CNTN2: variants seen among roughly 807,000 people sequenced by gnomAD.
CNTN2 encodes contactin-2.
CNTN2 carries 53 observed loss-of-function variants against 117.5 expected under a neutral mutation model. The ratio of observed to expected loss-of-function variants is 0.45; its 90% CI spans 0.36 to 0.57. CNTN2 has a LOEUF of 0.57. Ranked by LOEUF, CNTN2 falls within the 20% of genes least tolerant of loss-of-function variation. The pLI is 0.00. For missense variants in CNTN2, 1,106 were observed against 1,404.3 expected, an observed-to-expected ratio of 0.79 and a Z score of 3.39; for synonymous variants, 530 against 561.7, an observed-to-expected ratio of 0.94 and a Z score of 0.80.
intron 1 of CNTN2, among the ~76,000 whole-genome samples, chr1:205,050,360 A>C (rs10900438): frequency 0.22 from 33,098 of 151,418 alleles, 4,552 homozygotes; most frequent in East Asian, 0.64. Context: ...CCCCAGGAAG[A>C]ACGGAAGACC....
intron 2 of CNTN2, among the ~76,000 whole-genome samples, chr1:205,054,351 C>T (rs1280377804): frequency 6.6e-6 from 1 of 152,238 alleles, no homozygotes; most frequent in African/African-American, 2.4e-5. Context: ...AGTCCTGCAG[C>T]TCAGTCAGTG....
chr1:205,066,700 T>G, intron 15 of CNTN2, 101 bp downstream of exon 15: 1 of 1,376,632 alleles, frequency 7.3e-7, no homozygotes, highest in South Asian at 1.4e-5. Context: ...GGGCCAGGGC[T>G]GAGCCTGGAG....
intron 18 of CNTN2, 166 bp from the exon 19 acceptor site, chr1:205,070,260 T>C: frequency 1.4e-6 from 1 of 710,992 alleles, no homozygotes; most frequent in Non-Finnish European, 2.3e-6. Context: ...GGAGGCTCTC[T>C]GGGAATAGAA....
At chr1:205,066,190 G>T in intron 14 of CNTN2, 1 of 606,388 alleles carries the variant, frequency 1.6e-6, no homozygotes, top group Non-Finnish European at 2.9e-6. Context: ...AGTGCTGGGA[G>T]ATCTATGCAC....
intron 1 of CNTN2, among the ~76,000 whole-genome samples, chr1:205,045,414 C>T (rs899216915): frequency 1.1e-4 from 17 of 152,160 alleles, no homozygotes; most frequent in South Asian, 2.1e-4. Flanking sequence ...TTGTGCTTAA[C>T]GGGGTGATTG....
Position 205,059,969 on chromosome 1 carries a change from A to G in CNTN2, c.797+287A>G. 1 of 455,054 alleles carries G rather than the reference A, an allele frequency of 2.2e-6. No individual in the cohort carries two copies. Among genetic ancestry groups the G allele is most frequent in the Non-Finnish European group, 4.1e-6 (1 of 246,154 alleles). 28.2% of individuals were successfully genotyped at this position (455,054 alleles called of 1,614,324 possible). A position where few individuals can be genotyped will look rare whatever the true frequency, so the allele number is the denominator to read the frequency against. ...ACCCAGGGCTGGAGGCAGGCAGCACAGTGTACAGACTCCAACCCTGTCTGT... is the reference window on the plus strand; with the variant it reads ...ACCCAGGGCTGGAGGCAGGCAGCACGGTGTACAGACTCCAACCCTGTCTGT... On this transcript the variant is annotated intron_variant, in intron 7 of 22. Coordinates refer to ENST00000331830, the MANE Select transcript of CNTN2 (RefSeq NM_005076.5). This position sits in a 1 kb window ranked among gnomAD's most constrained non-coding sequence, Gnocchi z 5.6.
chr1:205,074,313 T>C lies in CNTN2; in HGVS notation c.*548T>C, dbSNP rs73081212. On this transcript the variant is annotated 3_prime_UTR_variant, in exon 23 of 23. Transcript: ENST00000331830. Reference sequence around the variant, plus strand: ...CCTGACGCTGTCCCCGATAACTCCCTAGGGGCTCCTGCCTGCCCAAGCGGC... The same window carrying C: ...CCTGACGCTGTCCCCGATAACTCCCCAGGGGCTCCTGCCTGCCCAAGCGGC... The C allele has an allele frequency of 0.013, 5,163 of 401,156 alleles. 135 individuals carry two copies. Among genetic ancestry groups the C allele is most frequent in the African/African-American group, 0.069 (3,366 of 48,756 alleles). 24.8% of individuals were successfully genotyped at this position (401,156 alleles called of 1,614,324 possible). A position where few individuals can be genotyped will look rare whatever the true frequency, so the allele number is the denominator to read the frequency against.
chr1:205,064,647 C>G lies in CNTN2; in HGVS notation c.1416C>G (p.Thr472=). ...SSRVTVTPDG[T]LIIRNISRSD... is the part of the protein sequence containing the mutation. ...GAGTGACTGTAACTCCAGATGGCAC[C>G]TTGATCATAAGAAACATCAGCCGGT... The change falls in exon 12 of 23, where the codon ACC becomes ACG. Residue 472 remains threonine (T), a synonymous_variant. Coordinates refer to ENST00000331830, the MANE Select transcript of CNTN2 (RefSeq NM_005076.5). 1 of 1,614,152 alleles carries G rather than the reference C, an allele frequency of 6.2e-7. No individual in the cohort carries two copies. The highest frequency in any genetic ancestry group is 8.5e-7 in the Non-Finnish European group (1 of 1,180,022).
chr1:205,076,800 G>A lies in CNTN2; in HGVS notation c.*3035G>A, dbSNP rs1654885612. 1.3e-5 allele frequency: 2 copies of A among 152,350 alleles called. No individual in the cohort carries two copies. The highest frequency in any genetic ancestry group is 2.9e-5 in the Non-Finnish European group (2 of 68,182). The allele number at this position is 152,350 out of a possible 1,614,324, so 9.4% of individuals were successfully genotyped here. A position where few individuals can be genotyped will look rare whatever the true frequency, so the allele number is the denominator to read the frequency against. ...GGGAAGGCAGCTCTCTCCAGACAGA[G>A]TCTCAGGGCCCAGCAAGGTCAGGTT... On this transcript the variant is annotated 3_prime_UTR_variant, in exon 23 of 23. Coordinates refer to ENST00000331830, the MANE Select transcript of CNTN2 (RefSeq NM_005076.5).
intron 10 of CNTN2, 121 bp downstream of exon 10, chr1:205,062,690 T>G: frequency 6.0e-6 from 7 of 1,170,746 alleles, no homozygotes; most frequent in Non-Finnish European, 6.8e-6. Flanking sequence ...TCCTTGGTTT[T>G]CCAACAGTTT....
intron 1 of CNTN2, among the ~76,000 whole-genome samples, chr1:205,049,075 C>T (rs1377110123): frequency 6.6e-6 from 1 of 152,050 alleles, no homozygotes; most frequent in Non-Finnish European, 1.5e-5. Context: ...CCCTCCCCTG[C>T]AGTCTCCTCT....
intron 10 of CNTN2, 22 bp downstream of exon 10, chr1:205,062,591 G>A: frequency 6.2e-7 from 1 of 1,605,988 alleles, no homozygotes; most frequent in South Asian, 1.1e-5. Flanking sequence ...AGGGAGGCAG[G>A]GGACATCCCA....
chr1:205,063,721 C>T (rs1020465530), intron 10 of CNTN2: 5 of 151,248 alleles, frequency 3.3e-5, no homozygotes, highest in African/African-American at 9.7e-5. Context: ...GAGTGATGGG[C>T]GTGAGATGGG....
chr1:205,053,802 C>T (rs779082459), intron 2 of CNTN2, among the ~76,000 whole-genome samples: 1 of 152,228 alleles, frequency 6.6e-6, no homozygotes, highest in South Asian at 2.1e-4. Context: ...TCCCACTAAA[C>T]CCTGGAAGGG....
At chr1:205,052,167 G>C (rs2096454045) in intron 1 of CNTN2, among the ~76,000 whole-genome samples, 1 of 152,298 alleles carries the variant, frequency 6.6e-6, no homozygotes, top group African/African-American at 2.4e-5. Flanking sequence ...CCCTGTGGAG[G>C]CTCTGAGCCC....
chr1:205,068,427 T>C (rs936036432), intron 16 of CNTN2: 44 of 152,250 alleles, frequency 2.9e-4, no homozygotes, highest in Admixed American at 2.9e-3. Context: ...CATTTTTAGC[T>C]GGTACCTCTC....
rs926391066 is a variant in CNTN2, at chr1:205,061,254, C to T, written c.807C>T (p.Pro269=). The T allele has an allele frequency of 1.2e-6, 2 of 1,609,494 alleles. No homozygotes were observed. Among genetic ancestry groups the T allele is most frequent in the African/African-American group, 2.7e-5 (2 of 74,832 alleles). Residue 269 remains proline (P), a synonymous_variant, in exon 8 of 23, where the codon CCC becomes CCT. Transcript: ENST00000331830. The surrounding 1 kb of genome is among the most constrained non-coding windows in gnomAD (Gnocchi z 4.8). The stretch of plus-strand genomic sequence containing the variant: ...TTGTCTCTCCTGCCAGCCCTGTCCC[C>T]CGGATCAAGTGGCGCAAAGTGGACG... ...LECFAFGNPV[P]RIKWRKVDGS...
intron 1 of CNTN2, among the ~76,000 whole-genome samples, chr1:205,044,279 C>T (rs945927557): frequency 3.9e-5 from 6 of 152,146 alleles, no homozygotes; most frequent in Non-Finnish European, 7.4e-5. Context: ...GGGGGGCAGC[C>T]CCAGCCAGTG....
chr1:205,069,459 A>C (rs1654466929), intron 16 of CNTN2, 32 bp from the exon 17 acceptor site: 4 of 1,609,414 alleles, frequency 2.5e-6, no homozygotes, highest in Non-Finnish European at 3.4e-6. Context: ...GCTCATTAAC[A>C]AGCCATATCG....
Sources: gnomAD v4.1 joint callset for allele counts (sites outside exome capture counted in the v4.1 genomes callset) on GRCh38, gnomAD v4.1.1 for gene constraint, Gnocchi (gnomAD v3.1) non-coding constraint, MANE v1.5 for transcripts, NCBI Gene and HGNC (gene_info 2026-07-23, HGNC 2026-07-21) for gene names.